Variants in SLC22A25 observed in about 807,000 individuals in gnomAD.
The protein encoded by SLC22A25 is solute carrier family 22 member 25, also known as MGI:2442751, MGI:2385316, MGI:3042283, MGI:3645714, MGI:3605624, MGI:2442750.
Under a neutral mutation model 45.9 loss-of-function variants are expected in SLC22A25, and 44 were observed. That is an observed-to-expected ratio of 0.96 (90% CI 0.75 to 1.23). The LOEUF is 1.23. Ranked by LOEUF, SLC22A25 falls within the 50% of genes most tolerant of loss-of-function variation. SLC22A25 has a pLI of 0.00. For synonymous variants in SLC22A25, 283 were observed against 238.6 expected (o/e 1.19, Z -1.72); for missense variants, 800 against 666.4 (o/e 1.20, Z -2.21).
At chr11:63,177,023 A>C (rs2088113457) in intron 9 of SLC22A25, among the ~76,000 whole-genome samples, 2 of 151,980 alleles carry the variant, frequency 1.3e-5, no homozygotes, top group Non-Finnish European at 2.9e-5. Flanking sequence ...GCTGGATATA[A>C]TACTTTTTGT....
At chr11:63,212,310 T>C (rs1019287369) in intron 7 of SLC22A25, among the ~76,000 whole-genome samples, 13 of 152,138 alleles carry the variant, frequency 8.5e-5, no homozygotes, top group Middle Eastern at 3.4e-3. Flanking sequence ...AGCCATCCCA[T>C]TACTGGATAT....
intron 9 of SLC22A25, among the ~76,000 whole-genome samples, chr11:63,178,621 G>T (rs2088206049): frequency 6.6e-6 from 1 of 151,980 alleles, no homozygotes; most frequent in African/African-American, 2.4e-5. Flanking sequence ...TTTAAGAAAT[G>T]TCTATTCAGG....
At chr11:63,203,280 G>A (rs1042179014) in intron 7 of SLC22A25, among the ~76,000 whole-genome samples, 4 of 152,006 alleles carry the variant, frequency 2.6e-5, no homozygotes, top group Admixed American at 2.6e-4. Flanking sequence ...TTGGCAGCAA[G>A]GGAACAAAAC....
At chr11:63,183,850 C>T (rs778326583) in intron 7 of SLC22A25, 33 bp from the exon 8 acceptor site, 13 of 1,611,406 alleles carry the variant, frequency 8.1e-6, no homozygotes, top group Non-Finnish European at 1.1e-5. Context: ...GTGCAGCCAA[C>T]CACTACTTAC....
chr11:63,172,901 A>G (rs1469646647), intron 9 of SLC22A25, among the ~76,000 whole-genome samples: 1 of 152,158 alleles, frequency 6.6e-6, no homozygotes, highest in Admixed American at 6.5e-5. Context: ...TCATTCTACT[A>G]TAAGGACACA....
In SLC22A25 at chr11:63,158,665, G is replaced by T. The variant is rs1024981496; in HGVS notation, c.*5159C>A. Among the ~76,000 whole-genome samples the T allele has an allele frequency of 6.6e-6, 1 of 152,158 alleles. No individual in the cohort carries two copies. Among genetic ancestry groups the T allele is most frequent in the African/African-American group, 2.4e-5 (1 of 41,426 alleles). The stretch of plus-strand genomic sequence containing the variant: ...TAAATTATTTTGACTACAGCACCCT[G>T]TTGTGTTATCAAATACTGGATATTA... On this transcript the variant is annotated 3_prime_UTR_variant, in exon 12 of 12. Coordinates refer to ENST00000306494, the MANE Select transcript of SLC22A25 (RefSeq NM_199352.6).
intron 3 of SLC22A25, among the ~76,000 whole-genome samples, chr11:63,236,709 T>C (rs2090170840): frequency 6.6e-6 from 1 of 152,162 alleles, no homozygotes; most frequent in Admixed American, 6.5e-5. Flanking sequence ...ACCCAGTACC[T>C]CAGTTGGAAA....
intron 5 of SLC22A25, among the ~76,000 whole-genome samples, chr11:63,219,132 C>T (rs565980432): frequency 3.3e-5 from 5 of 152,158 alleles, no homozygotes; most frequent in South Asian, 4.2e-4. Flanking sequence ...ACTTTATGGC[C>T]TCAAAAACTA....
intron 9 of SLC22A25, among the ~76,000 whole-genome samples, chr11:63,179,876 G>A (rs921813862): frequency 6.6e-6 from 1 of 152,114 alleles, no homozygotes; most frequent in Non-Finnish European, 1.5e-5. Flanking sequence ...AGTTCCATCA[G>A]TGCTCTGAGT....
intron 9 of SLC22A25, among the ~76,000 whole-genome samples, chr11:63,177,855 T>TCTATATATA: frequency 3.0e-4 from 1 of 3,324 alleles, no homozygotes; most frequent in Non-Finnish European, 6.3e-4. Flanking sequence ...ATATATAATG[T>TCTATATATA]ATATATATAA....
rs1340186731 is a variant in SLC22A25 at position 63,217,488 on chromosome 11, A to G, written c.662-6T>C. The G allele has an allele frequency of 2.5e-6, 4 of 1,613,002 alleles. No individual in the cohort carries two copies. The highest frequency in any genetic ancestry group is 2.5e-6 in the Non-Finnish European group (3 of 1,179,386). ...GTGAGTTATCCACTCTACAACTGAA[A>G]GAAAACACAAACAAGATTTAGCTTT... On this transcript the variant is annotated splice_polypyrimidine_tract_variant and splice_region_variant and intron_variant, in intron 6 of 11. Coordinates refer to ENST00000306494, the MANE Select transcript of SLC22A25 (RefSeq NM_199352.6).
chr11:63,219,525 T>C (rs2089801056), intron 5 of SLC22A25, among the ~76,000 whole-genome samples: 1 of 152,240 alleles, frequency 6.6e-6, no homozygotes, highest in African/African-American at 2.4e-5. Flanking sequence ...ACTATGTGAA[T>C]ATCCTGCATC....
Position 63,159,113 on chromosome 11 carries a change from A to G in SLC22A25, c.*4711T>C, listed in dbSNP as rs2087516439. 1.3e-5 allele frequency among the ~76,000 whole-genome samples: 2 copies of G among 152,152 alleles called. No homozygotes were observed. Among genetic ancestry groups the G allele is most frequent in the African/African-American group, 4.8e-5 (2 of 41,432 alleles). Reference sequence around the variant, plus strand: ...ATTCTTTATTTTATGGCTGAATAGTACTTCATTGTGTATATGTACCACATT... The same window carrying G: ...ATTCTTTATTTTATGGCTGAATAGTGCTTCATTGTGTATATGTACCACATT... On this transcript the variant is annotated 3_prime_UTR_variant, in exon 12 of 12. Transcript: ENST00000306494.
At position 63,165,856 on chromosome 11, in the gene SLC22A25, C is replaced by T. The variant is rs1479443700; in HGVS notation, c.1285+188G>A. On this transcript the variant is annotated intron_variant, in intron 10 of 11. Transcript: ENST00000306494. ...CAACCATATATCCGAGCCAATCTTA[C>T]TCATCTTTGACTCATTTCCCAGCAA... Among the ~76,000 whole-genome samples, 42 of 152,188 alleles carry T rather than the reference C, an allele frequency of 2.8e-4. 1 individual carries two copies. The highest frequency in any genetic ancestry group is 2.7e-3 in the Admixed American group (42 of 15,282).
intron 7 of SLC22A25, among the ~76,000 whole-genome samples, chr11:63,186,486 C>T (rs113410037): frequency 1.0e-4 from 15 of 144,182 alleles, no homozygotes; most frequent in South Asian, 2.2e-4. Context: ...TTCTCCCATT[C>T]TGTAGGTTGC....
At chr11:63,232,803 G>C (rs148769823) in intron 3 of SLC22A25, among the ~76,000 whole-genome samples, 47 of 152,162 alleles carry the variant, frequency 3.1e-4, no homozygotes, top group African/African-American at 1.1e-3. Flanking sequence ...TTTGAGATTC[G>C]TCCTATCAAT....
chr11:63,232,841 G>A (rs1294895746), intron 3 of SLC22A25, among the ~76,000 whole-genome samples: 1 of 152,192 alleles, frequency 6.6e-6, no homozygotes, highest in African/African-American at 2.4e-5. Context: ...TTTTTAGCAT[G>A]AAGTGTTGTT....
At chr11:63,178,060 T>C (rs1408507322) in intron 9 of SLC22A25, among the ~76,000 whole-genome samples, 1 of 3,410 alleles carries the variant, frequency 2.9e-4, no homozygotes, top group Non-Finnish European at 0.024. Context: ...TATTTTTATT[T>C]ATTTTTTTTT....
At chr11:63,233,299 C>A (rs1437903465) in intron 3 of SLC22A25, among the ~76,000 whole-genome samples, 1 of 152,150 alleles carries the variant, frequency 6.6e-6, no homozygotes, top group Non-Finnish European at 1.5e-5. Context: ...TAAATTATTG[C>A]CTCAATTTCA....
Sources: gnomAD v4.1 joint callset for allele counts (sites outside exome capture counted in the v4.1 genomes callset) on GRCh38, gnomAD v4.1.1 for gene constraint, MANE v1.5 for transcripts, NCBI Gene and HGNC (gene_info 2026-07-23, HGNC 2026-07-21) for gene names.